Variants in METTL15 observed in about 807,000 individuals in gnomAD.
The protein encoded by METTL15 is 12S rRNA N(4)-cytidine methyltransferase METTL15.
Under a neutral mutation model 38.3 loss-of-function variants are expected in METTL15, and 34 were observed. The observed-to-expected ratio is 0.89, with a 90% CI of 0.68 to 1.18. The LOEUF is 1.18. METTL15 is among the 50% of genes most tolerant of loss of function. METTL15 has a pLI of 0.00. For synonymous variants in METTL15, 162 were observed against 170.9 expected, an observed-to-expected ratio of 0.95 and a Z score of 0.41; for missense variants, 438 against 498.4, an observed-to-expected ratio of 0.88 and a Z score of 1.15.
intron 5 of METTL15, among the ~76,000 whole-genome samples, chr11:28,397,079 C>G (rs1564919645): frequency 1.3e-5 from 2 of 152,032 alleles, no homozygotes; most frequent in African/African-American, 4.8e-5. Flanking sequence ...ACACTTTATA[C>G]AAAAATTAAT....
intron 6 of METTL15, among the ~76,000 whole-genome samples, chr11:28,320,131 A>G (rs1013363175): frequency 6.6e-6 from 1 of 151,930 alleles, no homozygotes; most frequent in South Asian, 2.1e-4. Context: ...TTTAGTCTAT[A>G]CAATTTCTGG....
chr11:28,287,550 A>C (rs1392348829), intron 4 of METTL15: 1 of 303,618 alleles, frequency 3.3e-6, no homozygotes, highest in Admixed American at 4.0e-5. Context: ...TCGGCCTAAT[A>C]AGAACCTCAT....
At chr11:28,231,854 G>A (rs1455739321) in intron 4 of METTL15, among the ~76,000 whole-genome samples, 1 of 151,586 alleles carries the variant, frequency 6.6e-6, no homozygotes, top group Non-Finnish European at 1.5e-5. Context: ...TCATTCTCTT[G>A]GTTTACTTCC....
chr11:28,146,699 T>A (rs893341371), intron 3 of METTL15, among the ~76,000 whole-genome samples: 3 of 151,954 alleles, frequency 2.0e-5, no homozygotes, highest in African/African-American at 7.2e-5. Flanking sequence ...AAGTGTGTTA[T>A]GCCTCACACA....
intron 4 of METTL15, among the ~76,000 whole-genome samples, chr11:28,246,904 A>C (rs1273210663): frequency 6.6e-6 from 1 of 152,182 alleles, no homozygotes; most frequent in African/African-American, 2.4e-5. Flanking sequence ...TTTTAATTTA[A>C]ATATAAAAAC....
chr11:28,313,822 T>A (rs1857388674), intron 6 of METTL15, among the ~76,000 whole-genome samples: 1 of 152,122 alleles, frequency 6.6e-6, no homozygotes, highest in Admixed American at 6.5e-5. Context: ...ATATAATAAA[T>A]AATTTGGGCA....
At position 28,232,968 on chromosome 11, in the gene METTL15, A is replaced by G. The variant is rs776890603; in HGVS notation, c.407+21770A>G. Among the ~76,000 whole-genome samples the G allele has an allele frequency of 3.3e-5, 5 of 152,170 alleles. No individual in the cohort carries two copies. In the South Asian group the frequency reaches 8.3e-4, roughly 25 times the overall value. On this transcript the variant is annotated intron_variant, in intron 4 of 6. Coordinates refer to ENST00000407364, the MANE Select transcript of METTL15 (RefSeq NM_001113528.2). ...CATCATGAAGAAAGATAGAATAAGGACTAGTCTAAGCTTGGAATTTCAAAA... is the reference window on the plus strand; with the variant it reads ...CATCATGAAGAAAGATAGAATAAGGGCTAGTCTAAGCTTGGAATTTCAAAA...
rs755794813 is a variant in METTL15, at chr11:28,179,484, ACTTT to A, written c.271-31573_271-31570del. On this transcript the variant is annotated intron_variant, in intron 3 of 6. Transcript: ENST00000407364. ...ACATAACTACTTTTCTTACTCTGTC[ACTTT>A]CTTTTCCTTGTTTTTGAATTTCATT... Among the ~76,000 whole-genome samples, 5 of 151,892 alleles carry A rather than the reference ACTTT, an allele frequency of 3.3e-5. No individual in the cohort carries two copies. In the South Asian group the frequency reaches 8.3e-4, roughly 25 times the overall value.
At chr11:28,252,793 ACTC>A (rs1473883024) in intron 4 of METTL15, among the ~76,000 whole-genome samples, 1 of 151,814 alleles carries the variant, frequency 6.6e-6, no homozygotes, top group East Asian at 1.9e-4. Flanking sequence ...TATAAAAAAA[ACTC>A]CTTAATAAAG....
intron 5 of METTL15, among the ~76,000 whole-genome samples, chr11:28,396,091 G>A (rs1209866620): frequency 6.6e-6 from 1 of 152,072 alleles, no homozygotes; most frequent in Non-Finnish European, 1.5e-5. Flanking sequence ...TTGATGGGAC[G>A]TATCTCAAAA....
At chr11:28,274,338 T>C (rs1314142689) in intron 4 of METTL15, among the ~76,000 whole-genome samples, 4 of 152,064 alleles carry the variant, frequency 2.6e-5, no homozygotes, top group African/African-American at 9.6e-5. Context: ...CATAATATTC[T>C]TCTTATGTAA....
intron 6 of METTL15, among the ~76,000 whole-genome samples, chr11:28,468,021 A>G (rs1851272164): frequency 6.6e-6 from 1 of 151,998 alleles, no homozygotes; most frequent in African/African-American, 2.4e-5. Flanking sequence ...CCACCACTCA[A>G]ATGCTTGAAC....
chr11:28,353,816 TG>T (rs1401837972), intron 4 of METTL15, among the ~76,000 whole-genome samples: 1 of 148,708 alleles, frequency 6.7e-6, no homozygotes, highest in African/African-American at 2.5e-5. Flanking sequence ...TCCCAGCTAC[TG>T]GGGAGGCTGA....
intron 3 of METTL15, among the ~76,000 whole-genome samples, chr11:28,137,850 G>C (rs1849565708): frequency 6.6e-6 from 1 of 150,418 alleles, no homozygotes; most frequent in African/African-American, 2.5e-5. Context: ...CAATCAATTA[G>C]AGCTATTTTT....
intron 5 of METTL15, among the ~76,000 whole-genome samples, chr11:28,423,465 C>T (rs1319572943): frequency 1.3e-5 from 2 of 151,968 alleles, no homozygotes; most frequent in Non-Finnish European, 2.9e-5. Context: ...TGTCCATCAA[C>T]AGACAAATGA....
At chr11:28,190,388 C>T (rs1193036889) in intron 3 of METTL15, among the ~76,000 whole-genome samples, 2 of 151,106 alleles carry the variant, frequency 1.3e-5, no homozygotes, top group African/African-American at 4.8e-5. Context: ...GATGTAAATT[C>T]CAATTTACTT....
intron 6 of METTL15, among the ~76,000 whole-genome samples, chr11:28,515,696 G>A (rs907014775): frequency 4.6e-5 from 7 of 152,234 alleles, no homozygotes; most frequent in African/African-American, 1.7e-4. Context: ...CCTAGAAAAA[G>A]TTTGTCAATG....
chr11:28,465,086 A>C (rs1851245740), intron 6 of METTL15, among the ~76,000 whole-genome samples: 1 of 152,202 alleles, frequency 6.6e-6, no homozygotes, highest in Non-Finnish European at 1.5e-5. Flanking sequence ...ACACATGGCC[A>C]AGGAACTTGT....
At chr11:28,438,943 C>T (rs1851008385) in intron 6 of METTL15, among the ~76,000 whole-genome samples, 1 of 151,772 alleles carries the variant, frequency 6.6e-6, no homozygotes. Flanking sequence ...TCCCAAAGTG[C>T]TGGGATTACA....
Sources: allele counts gnomAD v4.1 joint callset (sites outside exome capture counted in the v4.1 genomes callset), GRCh38; gene constraint gnomAD v4.1.1; transcripts MANE v1.5; gene names NCBI Gene and HGNC (gene_info 2026-07-23, HGNC 2026-07-21).